The following SUPT16H variants were observed in gnomAD, a reference collection of about 807,000 sequenced individuals.
SUPT16H encodes the protein SPT16 homolog, facilitates chromatin remodeling subunit.
SUPT16H carries 24 observed loss-of-function variants against 136.2 expected under a neutral mutation model. The ratio of observed to expected loss-of-function variants is 0.18; its 90% CI spans 0.13 to 0.25. SUPT16H has a LOEUF of 0.25. Ranked by LOEUF, SUPT16H falls within the 10% of genes least tolerant of loss-of-function variation. SUPT16H has a pLI of 1.00. For missense variants in SUPT16H, 623 were observed against 1,270.2 expected (o/e 0.49, Z 7.74); for synonymous variants, 415 against 428.2 (o/e 0.97, Z 0.38).
intron 1 of SUPT16H, among the ~76,000 whole-genome samples, chr14:21,377,076 G>GAAAAAAAAAA (rs11323425): frequency 9.4e-3 from 1,040 of 110,552 alleles, no homozygotes; most frequent in African/African-American, 0.018. Context: ...GAAAGAAAAA[G>GAAAAAAAAAA]AAAAAAAAAA....
intron 6 of SUPT16H, among the ~76,000 whole-genome samples, chr14:21,368,710 A>T (rs553862740): frequency 2.0e-5 from 3 of 152,364 alleles, no homozygotes; most frequent in African/African-American, 7.2e-5. Flanking sequence ...TGATATCCTG[A>T]ATTGTATCCA....
At chr14:21,358,039 G>C in intron 20 of SUPT16H, 37 bp from the exon 21 acceptor site, 2 of 1,565,130 alleles carry the variant, frequency 1.3e-6, no homozygotes, top group African/African-American at 1.4e-5. Flanking sequence ...AGCTCATCAC[G>C]AGAGAGACTG....
At chr14:21,357,525 C>T (rs1006943937) in intron 21 of SUPT16H, among the ~76,000 whole-genome samples, 159 bp from the exon 22 acceptor site, 8 of 150,478 alleles carry the variant, frequency 5.3e-5, no homozygotes, top group African/African-American at 2.0e-4. Context: ...TACTAAGAAG[C>T]CACAGAAAAA....
intron 1 of SUPT16H, 109 bp from the exon 2 acceptor site, chr14:21,373,539 A>T (rs973498557): frequency 1.9e-5 from 16 of 858,184 alleles, no homozygotes. Flanking sequence ...AGAAATTTCA[A>T]GTTTAAGGTA....
chr14:21,352,354 A>T lies in SUPT16H; in HGVS notation c.*319T>A, dbSNP rs1258247456. Reference sequence around the variant, plus strand: ...AAATACAGCTTTGAGACACCAAATAAGATGTCAGAAGCCATCAATGTCTTG... The same window carrying T: ...AAATACAGCTTTGAGACACCAAATATGATGTCAGAAGCCATCAATGTCTTG... On this transcript the variant is annotated 3_prime_UTR_variant, in exon 26 of 26. Transcript: ENST00000216297. 3.0e-6 allele frequency: 1 copy of T among 335,658 alleles called. No homozygotes were observed. The highest frequency in any genetic ancestry group is 6.2e-5 in the East Asian group (1 of 16,004). 20.8% of individuals were successfully genotyped at this position (335,658 alleles called of 1,614,324 possible). A position where few individuals can be genotyped will look rare whatever the true frequency, so the allele number is the denominator to read the frequency against.
At chr14:21,376,512 G>T (rs887067374) in intron 1 of SUPT16H, among the ~76,000 whole-genome samples, 1 of 152,152 alleles carries the variant, frequency 6.6e-6, no homozygotes, top group Non-Finnish European at 1.5e-5. Flanking sequence ...ATTATGCAAA[G>T]AAGTCACTAC....
At chr14:21,357,111 T>C (rs968856877) in intron 22 of SUPT16H, 86 bp downstream of exon 22, 35 of 1,328,048 alleles carry the variant, frequency 2.6e-5, no homozygotes, top group Middle Eastern at 2.9e-4. Context: ...AGTATATCAG[T>C]AGATTTTATG....
In SUPT16H at chr14:21,361,290, A is replaced by G. The variant is rs758363106; in HGVS notation, c.1794-77T>C. On this transcript the variant is annotated intron_variant, in intron 15 of 25. Transcript: ENST00000216297. Reference sequence around the variant, plus strand: ...TTGTACTGATTTACTTTATCTTCTAAGCAGCTTAATCTCTACTTTGCTTTT... The same window carrying G: ...TTGTACTGATTTACTTTATCTTCTAGGCAGCTTAATCTCTACTTTGCTTTT... 37 of 1,411,568 alleles carry G rather than the reference A, an allele frequency of 2.6e-5. No individual in the cohort carries two copies. In the African/African-American group the frequency reaches 4.9e-4, roughly 19 times the overall value. 87.4% of individuals were successfully genotyped at this position (1,411,568 alleles called of 1,614,324 possible). A position where few individuals can be genotyped will look rare whatever the true frequency, so the allele number is the denominator to read the frequency against.
intron 3 of SUPT16H, among the ~76,000 whole-genome samples, chr14:21,370,961 G>A (rs1170779279): frequency 6.6e-6 from 1 of 152,004 alleles, no homozygotes; most frequent in Non-Finnish European, 1.5e-5. Context: ...ATTTTTAGTA[G>A]AGATGGGGTT....
intron 1 of SUPT16H, chr14:21,383,410 C>T (rs1887082668): frequency 6.0e-6 from 3 of 499,466 alleles, no homozygotes; most frequent in African/African-American, 4.0e-5. Flanking sequence ...CGCTAAAAGC[C>T]CGATTGACAT....
rs1407827671 is a variant in SUPT16H at position 21,363,464 on chromosome 14, C to A, written c.1273G>T (p.Val425Leu). ...TTTAGGAAAATCCCCACATTCTTCA[C>A]TTTCTTCTTCACAGAAGTGAGAACA... ...ATVLTSVKKKVKNVGIFLKNE... is the reference protein window; with the variant it reads ...ATVLTSVKKKLKNVGIFLKNE... Residue 425 changes from valine to leucine, a missense_variant, in exon 11 of 26, where the codon GTG (valine) becomes TTG (leucine). Around this residue, in one of 7 missense-constraint regions of SUPT16H, gnomAD observed 343 missense variants for 525.7 expected, o/e 0.65. Coordinates refer to ENST00000216297, the MANE Select transcript of SUPT16H (RefSeq NM_007192.4). The A allele has an allele frequency of 6.2e-7, 1 of 1,613,910 alleles. No individual in the cohort carries two copies. Among genetic ancestry groups the A allele is most frequent in the Non-Finnish European group, 8.5e-7 (1 of 1,179,930 alleles).
At chr14:21,379,909 C>CA (rs936553854) in intron 1 of SUPT16H, among the ~76,000 whole-genome samples, 1 of 116,462 alleles carries the variant, frequency 8.6e-6, no homozygotes, top group South Asian at 2.9e-4. Flanking sequence ...AACAAACAAA[C>CA]AAAAAAACCT....
Position 21,352,680 on chromosome 14 carries a change from C to G in SUPT16H, c.3137G>C (p.Arg1046Thr). 4 of 1,614,052 alleles carry G rather than the reference C, an allele frequency of 2.5e-6. No individual in the cohort carries two copies. The highest frequency in any genetic ancestry group is 1.7e-4 in the Middle Eastern group (1 of 6,036). Residue 1046 changes from arginine to threonine, a missense_variant, in exon 26 of 26, where the codon AGG (arginine) becomes ACG (threonine). Arg to Thr is a moderately conservative substitution (Grantham distance 71). Transcript: ENST00000216297. ...AGGGCCAAAGTTCAGAAGTTACTTCCTCTTTTTCTTGGGGGGTGCAGAGCT... is the reference window on the plus strand; with the variant it reads ...AGGGCCAAAGTTCAGAAGTTACTTCGTCTTTTTCTTGGGGGGTGCAGAGCT... The part of the protein sequence containing the change: ...RHSSAPPKKK[R>T]K
At position 21,353,348 on chromosome 14, in the gene SUPT16H, G is replaced by GT. The variant is rs1196037420; in HGVS notation, c.2998+139dup. On this transcript the variant is annotated intron_variant, in intron 25 of 25. Transcript: ENST00000216297. ...ATTTTCTCCTTCAGTCAATGAAGTT[G>GT]TATCTGTGGCTCCAAAGCACTTTTA... 1.2e-5 allele frequency: 9 copies of GT among 774,462 alleles called. No individual in the cohort carries two copies. The East Asian group carries it at 2.1e-4, about 18-fold the overall frequency. 48.0% of individuals were successfully genotyped at this position (774,462 alleles called of 1,614,324 possible).
At chr14:21,364,500 AGGTG>A (rs1342841143) in intron 10 of SUPT16H, among the ~76,000 whole-genome samples, 2 of 152,366 alleles carry the variant, frequency 1.3e-5, no homozygotes, top group East Asian at 3.9e-4. Context: ...TGTACATATC[AGGTG>A]GGTGAATTGT....
At position 21,357,908 on chromosome 14, in the gene SUPT16H, G is replaced by C. The variant is rs964719823; in HGVS notation, c.2490+19C>G. ...TTCTCTAACAATTTTCTTACTAAAA[G>C]AAAGTAAGAAACACTCACCCATTCC... On this transcript the variant is annotated intron_variant, in intron 21 of 25. Coordinates refer to ENST00000216297, the MANE Select transcript of SUPT16H (RefSeq NM_007192.4). 1 of 1,604,908 alleles carries C rather than the reference G, an allele frequency of 6.2e-7. No homozygotes were observed. The highest frequency in any genetic ancestry group is 8.5e-7 in the Non-Finnish European group (1 of 1,173,164).
At position 21,363,050 on chromosome 14, in the gene SUPT16H, C is replaced by G; in HGVS notation, c.1495G>C (p.Glu499Gln). 1.2e-6 allele frequency: 2 copies of G among 1,614,040 alleles called. No individual in the cohort carries two copies. The highest frequency in any genetic ancestry group is 1.7e-6 in the Non-Finnish European group (2 of 1,180,034). Reference sequence around the variant, plus strand: ...AACTCTTACTTCTGAATCTGCTGTTCTCCCTTTTGTTCAGTCAATCGCCTC... The same window carrying G: ...AACTCTTACTTCTGAATCTGCTGTTGTCCCTTTTGTTCAGTCAATCGCCTC... Reference protein sequence around the residue: ...AKRRLTEQKGEQQIQKARKSN... With the variant: ...AKRRLTEQKGQQQIQKARKSN... The change falls in exon 13 of 26, where the codon GAA becomes CAA. Residue 499 changes from glutamate (E) to glutamine (Q), a missense_variant. Coordinates refer to ENST00000216297, the MANE Select transcript of SUPT16H (RefSeq NM_007192.4).
At chr14:21,370,834 G>T (rs954031133) in intron 3 of SUPT16H, among the ~76,000 whole-genome samples, 3 of 148,414 alleles carry the variant, frequency 2.0e-5, no homozygotes, top group Admixed American at 2.0e-4. Flanking sequence ...GGAGTGCAGC[G>T]GCGCAATCTA....
chr14:21,382,445 A>C (rs1887049227), intron 1 of SUPT16H, among the ~76,000 whole-genome samples: 1 of 152,344 alleles, frequency 6.6e-6, no homozygotes, highest in Middle Eastern at 3.4e-3. Flanking sequence ...TTAATTTGTC[A>C]TGTAGAGGAA....
Sources: gnomAD v4.1 joint callset for allele counts (sites outside exome capture counted in the v4.1 genomes callset) on GRCh38, gnomAD v4.1.1 for gene constraint, gnomAD v4.1.1 regional missense constraint, MANE v1.5 for transcripts, NCBI Gene and HGNC (gene_info 2026-07-23, HGNC 2026-07-21) for gene names.